Variants in MYO1H observed in about 807,000 individuals in gnomAD.
MYO1H encodes unconventional myosin-Ih.
A neutral mutation model predicts 149.3 loss-of-function variants in MYO1H; 118 were observed. The observed-to-expected ratio is 0.79, with a 90% CI of 0.68 to 0.92. The LOEUF is 0.92. Ranked by LOEUF, MYO1H falls within the 40% of genes least tolerant of loss-of-function variation. The probability of loss-of-function intolerance (pLI) is 0.00; values close to 1 mark genes in which losing one functional copy is unlikely to be tolerated. For synonymous variants in MYO1H, 447 were observed against 465.2 expected (o/e 0.96, Z 0.50); for missense variants, 1,212 against 1,280.7 (o/e 0.95, Z 0.82).
chr12:109,395,809 A>AC (rs1869867429), intron 3 of MYO1H, among the ~76,000 whole-genome samples: 1 of 150,850 alleles, frequency 6.6e-6, no homozygotes, highest in Non-Finnish European at 1.5e-5. Context: ...AGTACACTCT[A>AC]TATTTGATTA....
chr12:109,446,040 A>G (rs755170329), intron 31 of MYO1H: 1 of 985,332 alleles, frequency 1.0e-6, no homozygotes, highest in Non-Finnish European at 1.2e-6. Context: ...AAGAAAATAT[A>G]AACGTAAGAA....
chr12:109,352,655 C>T (rs1452753191), intron 1 of MYO1H, among the ~76,000 whole-genome samples: 1 of 152,152 alleles, frequency 6.6e-6, no homozygotes, highest in Non-Finnish European at 1.5e-5. Flanking sequence ...GTACAGAAAA[C>T]ACCCACTACC....
chr12:109,320,043 G>A, the MYO1H span, among the ~76,000 whole-genome samples: 1 of 151,282 alleles, frequency 6.6e-6, no homozygotes, highest in African/African-American at 2.5e-5. Flanking sequence ...GCCAGGCATA[G>A]TGGTTTATGC....
chr12:109,395,091 C>G (rs926363168), intron 3 of MYO1H, among the ~76,000 whole-genome samples: 17 of 152,284 alleles, frequency 1.1e-4, no homozygotes, highest in African/African-American at 3.6e-4. Context: ...GCCGAAATGG[C>G]TTTGGAACTC....
intron 1 of MYO1H, among the ~76,000 whole-genome samples, chr12:109,348,549 A>T (rs536183669): frequency 5.0e-4 from 76 of 152,334 alleles, no homozygotes; most frequent in African/African-American, 1.7e-3. Context: ...TTTAAATGCG[A>T]TAAGCCCAAC....
the MYO1H span, among the ~76,000 whole-genome samples, chr12:109,341,188 CGAA>C: frequency 4.9e-5 from 4 of 81,158 alleles, no homozygotes; most frequent in East Asian, 3.2e-4. Flanking sequence ...GACTCCATCT[CGAA>C]AAAAAAAAAA....
the MYO1H span, among the ~76,000 whole-genome samples, chr12:109,338,294 T>TA: frequency 6.6e-6 from 1 of 152,136 alleles, no homozygotes; most frequent in Non-Finnish European, 1.5e-5. Flanking sequence ...CATTGTACTT[T>TA]AACAACCTAG....
intron 15 of MYO1H, among the ~76,000 whole-genome samples, 156 bp downstream of exon 15, chr12:109,415,776 T>C (rs1013593498): frequency 2.0e-5 from 3 of 152,172 alleles, no homozygotes; most frequent in Non-Finnish European, 4.4e-5. Context: ...TAATTGTATT[T>C]ATTATTTTTG....
In MYO1H at chr12:109,387,839, C is replaced by A. The variant is rs77090930; in HGVS notation, c.13-844C>A. Reference sequence around the variant, plus strand: ...CCAACGCACACCTGCCCTCTGGCCGCAGCTTGCCTGAGCCCTGGAAGGTTG... The same window carrying A: ...CCAACGCACACCTGCCCTCTGGCCGAAGCTTGCCTGAGCCCTGGAAGGTTG... On this transcript the variant is annotated intron_variant, in intron 1 of 31. Transcript: ENST00000310903. Among the ~76,000 whole-genome samples, 1,467 of 152,346 alleles carry A rather than the reference C, an allele frequency of 9.6e-3. 20 individuals carry two copies. The highest frequency in any genetic ancestry group is 0.033 in the African/African-American group (1,378 of 41,574).
exon 10 of MYO1H, chr12:109,407,805 G>T (rs773273078): frequency 6.2e-7 from 1 of 1,613,610 alleles, no homozygotes; most frequent in Non-Finnish European, 8.5e-7. Flanking sequence ...TGATCTGCCC[G>T]TTGACACTAG....
At chr12:109,389,785 A>G (rs1469830583) in intron 2 of MYO1H, among the ~76,000 whole-genome samples, 1 of 152,182 alleles carries the variant, frequency 6.6e-6, no homozygotes, top group Admixed American at 6.5e-5. Flanking sequence ...TGCTAAGAGT[A>G]AATTAGACAG....
chr12:109,421,103 C>A, intron 16 of MYO1H, 76 bp downstream of exon 16: 2 of 1,068,200 alleles, frequency 1.9e-6, no homozygotes, highest in Non-Finnish European at 2.8e-6. Flanking sequence ...TGGTAGAATT[C>A]GCCTTCTGGA....
upstream of MYO1H, among the ~76,000 whole-genome samples, chr12:109,345,777 A>C (rs2048100909): frequency 6.6e-6 from 1 of 152,224 alleles, no homozygotes; most frequent in Non-Finnish European, 1.5e-5. Flanking sequence ...AATAAAAATG[A>C]AGTGTACTGG....
intron 1 of MYO1H, among the ~76,000 whole-genome samples, chr12:109,357,661 C>T (rs1158843031): frequency 6.7e-6 from 1 of 149,662 alleles, no homozygotes; most frequent in Non-Finnish European, 1.5e-5. Flanking sequence ...TTTTTTCTCC[C>T]AACCATTTCT....
chr12:109,390,437 T>C (rs954521736), intron 2 of MYO1H, among the ~76,000 whole-genome samples: 5 of 151,916 alleles, frequency 3.3e-5, no homozygotes, highest in African/African-American at 1.2e-4. Flanking sequence ...TTCCAAGGAG[T>C]ATATTAATTT....
intron 1 of MYO1H, among the ~76,000 whole-genome samples, chr12:109,359,975 G>GA (rs549854489): frequency 1.5e-3 from 235 of 152,282 alleles, no homozygotes; most frequent in African/African-American, 5.0e-3. Context: ...GACTCCCCGC[G>GA]ACCTCTGTCC....
the MYO1H span, among the ~76,000 whole-genome samples, chr12:109,327,432 C>T: frequency 6.6e-6 from 1 of 151,506 alleles, no homozygotes; most frequent in African/African-American, 2.4e-5. Context: ...CGTGCCTGGC[C>T]TTCTGTAGTT....
chr12:109,440,795 T>C (rs1175978874), exon 25 of MYO1H: 18 of 1,565,126 alleles, frequency 1.2e-5, no homozygotes, highest in Non-Finnish European at 1.3e-5. Flanking sequence ...GCAGAAGTAC[T>C]GCCGCGGGAT....
intron 13 of MYO1H, 125 bp from the exon 14 acceptor site, chr12:109,411,769 C>G (rs1223095352): frequency 1.6e-6 from 1 of 629,246 alleles, no homozygotes; most frequent in Non-Finnish European, 2.7e-6. Flanking sequence ...AGAATGTTCA[C>G]CTGCACTTAC....
Sources: gnomAD v4.1 joint callset for allele counts (sites outside exome capture counted in the v4.1 genomes callset) on GRCh38, gnomAD v4.1.1 for gene constraint, MANE v1.5 for transcripts, NCBI Gene and HGNC (gene_info 2026-07-23, HGNC 2026-07-21) for gene names.